CLASP1: variants seen among roughly 807,000 people sequenced by gnomAD.
CLASP1 encodes the protein cytoplasmic linker associated protein 1, also known as CLIP-associating protein 1.
Under a neutral mutation model 192.3 loss-of-function variants are expected in CLASP1, and 38 were observed. The ratio of observed to expected loss-of-function variants is 0.20; its 90% CI spans 0.15 to 0.26. The LOEUF (loss-of-function observed/expected upper bound fraction) is 0.26, where lower values mean the gene tolerates loss of function less well. Ranked by LOEUF, CLASP1 falls within the 10% of genes least tolerant of loss-of-function variation. CLASP1 has a pLI of 1.00. For synonymous variants in CLASP1, 691 were observed against 712.8 expected (o/e 0.97, Z 0.49); for missense variants, 1,433 against 1,932.5 (o/e 0.74, Z 4.85).
intron 1 of CLASP1, among the ~76,000 whole-genome samples, chr2:121,621,119 TA>T (rs1160854250): frequency 6.6e-6 from 1 of 151,912 alleles, no homozygotes; most frequent in Non-Finnish European, 1.5e-5. Context: ...CTCGGGAGGC[TA>T]AAGTAGGAGG....
chr2:121,355,712 A>G (rs952798794), intron 37 of CLASP1, among the ~76,000 whole-genome samples: 2 of 152,230 alleles, frequency 1.3e-5, no homozygotes, highest in African/African-American at 4.8e-5. Flanking sequence ...AAATGTAAGC[A>G]AACAGAGAGC....
At chr2:121,519,763 T>G (rs1435064595) in intron 6 of CLASP1, among the ~76,000 whole-genome samples, 1 of 152,134 alleles carries the variant, frequency 6.6e-6, no homozygotes. Context: ...CATTTAGGGG[T>G]CTAAACTATT....
intron 8 of CLASP1, among the ~76,000 whole-genome samples, chr2:121,481,001 C>G (rs1457647735): frequency 6.6e-6 from 1 of 152,360 alleles, no homozygotes; most frequent in Admixed American, 6.5e-5. Flanking sequence ...GACCCACACA[C>G]CCAGACTTCT....
chr2:121,399,983 G>A (rs1160699225), intron 28 of CLASP1, among the ~76,000 whole-genome samples: 2 of 151,974 alleles, frequency 1.3e-5, no homozygotes, highest in African/African-American at 4.8e-5. Context: ...ATGTCCCAAT[G>A]TGGCCACAAC....
chr2:121,630,731 G>A (rs1444904152), intron 1 of CLASP1, among the ~76,000 whole-genome samples: 2 of 151,932 alleles, frequency 1.3e-5, no homozygotes, highest in African/African-American at 2.4e-5. Context: ...GGGCATGGTG[G>A]TGGATGCCTG....
intron 2 of CLASP1, among the ~76,000 whole-genome samples, chr2:121,541,118 A>G (rs943101949): frequency 4.6e-5 from 7 of 152,186 alleles, no homozygotes; most frequent in African/African-American, 1.7e-4. Context: ...GACCTCCAAA[A>G]CACTTGTAAA....
At chr2:121,491,747 T>A (rs866361720) in intron 8 of CLASP1, among the ~76,000 whole-genome samples, 1 of 152,230 alleles carries the variant, frequency 6.6e-6, no homozygotes, top group East Asian at 1.9e-4. Context: ...CAAGAAGGAA[T>A]CATACAAAGA....
At chr2:121,591,361 G>A (rs924330923) in intron 2 of CLASP1, among the ~76,000 whole-genome samples, 6 of 151,984 alleles carry the variant, frequency 3.9e-5, no homozygotes, top group Admixed American at 6.6e-5. Context: ...AAAACCACTA[G>A]GTTGTCCTCC....
intron 29 of CLASP1, among the ~76,000 whole-genome samples, 191 bp from the exon 31 acceptor site, chr2:121,397,474 G>A (rs941160179): frequency 6.6e-6 from 1 of 152,158 alleles, no homozygotes; most frequent in Non-Finnish European, 1.5e-5. Flanking sequence ...TAAGTTTGGG[G>A]ACAGGAAGAG....
intron 34 of CLASP1, among the ~76,000 whole-genome samples, chr2:121,376,871 G>A (rs1294599656): frequency 1.3e-5 from 2 of 152,182 alleles, no homozygotes; most frequent in African/African-American, 4.8e-5. Flanking sequence ...AGAGTCTAAT[G>A]CCTGATGATT....
intron 2 of CLASP1, among the ~76,000 whole-genome samples, chr2:121,531,382 TC>T (rs2104813533): frequency 6.6e-6 from 1 of 151,806 alleles, no homozygotes; most frequent in South Asian, 2.1e-4. Context: ...GATCACGAGG[TC>T]AGGAGATCGA....
At chr2:121,528,841 G>A (rs2094655996) in intron 3 of CLASP1, 61 bp from the exon 4 acceptor site, 1 of 1,252,202 alleles carries the variant, frequency 8.0e-7, no homozygotes, top group South Asian at 1.2e-5. Context: ...TGGTCACCAA[G>A]TATTCCTATC....
intron 16 of CLASP1, 43 bp from the exon 17 acceptor site, chr2:121,449,163 A>G: frequency 6.3e-7 from 1 of 1,582,132 alleles, no homozygotes; most frequent in Non-Finnish European, 8.7e-7. Context: ...CAAGGATCCA[A>G]ACAGGTCTTT....
chr2:121,628,501 C>T (rs981006180), intron 1 of CLASP1, among the ~76,000 whole-genome samples: 8 of 151,912 alleles, frequency 5.3e-5, no homozygotes, highest in South Asian at 4.2e-4. Flanking sequence ...CATGGTGAAA[C>T]CCCATCTCTA....
chr2:121,379,553 C>G (rs1007446455), intron 33 of CLASP1, among the ~76,000 whole-genome samples: 5 of 151,600 alleles, frequency 3.3e-5, no homozygotes, highest in African/African-American at 4.9e-5. Context: ...TATTATGACT[C>G]AAACAAAAAA....
intron 2 of CLASP1, among the ~76,000 whole-genome samples, chr2:121,537,304 A>T (rs573171912): frequency 2.6e-5 from 4 of 152,076 alleles, no homozygotes; most frequent in African/African-American, 9.6e-5. Flanking sequence ...AGGAGAGAGG[A>T]TCGCTCGAGC....
chr2:121,552,777 T>C lies in CLASP1; in HGVS notation c.196-22452A>G, dbSNP rs527323857. Among the ~76,000 whole-genome samples, 24 of 152,360 alleles carry C rather than the reference T, an allele frequency of 1.6e-4. No individual in the cohort carries two copies. In the South Asian group the frequency reaches 5.0e-3, roughly 32 times the overall value. On this transcript the variant is annotated intron_variant, in intron 2 of 39. Coordinates refer to ENST00000263710, the Ensembl canonical transcript of CLASP1. ...TTAGTTAAACCACTGTGGAGAGCAGTCTGGCAATTCCTCAAAGAGCTAGAA... is the reference window on the plus strand; with the variant it reads ...TTAGTTAAACCACTGTGGAGAGCAGCCTGGCAATTCCTCAAAGAGCTAGAA...
At chr2:121,426,813 C>G (rs1256020463) in intron 21 of CLASP1, among the ~76,000 whole-genome samples, 1 of 152,028 alleles carries the variant, frequency 6.6e-6, no homozygotes, top group Non-Finnish European at 1.5e-5. Context: ...AATTCTCTCT[C>G]AGAGGAAACA....
At chr2:121,356,829 A>T (rs1403166062) in intron 37 of CLASP1, among the ~76,000 whole-genome samples, 1 of 152,166 alleles carries the variant, frequency 6.6e-6, no homozygotes, top group East Asian at 1.9e-4. Context: ...TCAGGTTCTT[A>T]GGTGGGAGAT....
Sources: allele counts gnomAD v4.1 joint callset (sites outside exome capture counted in the v4.1 genomes callset), GRCh38; gene constraint gnomAD v4.1.1; transcripts MANE v1.5; gene names NCBI Gene and HGNC (gene_info 2026-07-23, HGNC 2026-07-21).